The following RNF17 variants were observed in gnomAD, a reference collection of about 807,000 sequenced individuals.
RNF17 encodes ring finger protein 17.
Under a neutral mutation model 200.5 loss-of-function variants are expected in RNF17, and 31 were observed. The ratio of observed to expected loss-of-function variants is 0.15; its 90% confidence interval spans 0.12 to 0.21. RNF17 has a LOEUF of 0.21. RNF17 is among the 10% of genes least tolerant of loss of function. RNF17 has a pLI of 1.00. For synonymous variants in RNF17, 606 were observed against 637.8 expected, an observed-to-expected ratio of 0.95 and a Z score of 0.75; for missense variants, 1,628 against 1,905.1, an observed-to-expected ratio of 0.85 and a Z score of 2.71.
intron 18 of RNF17, among the ~76,000 whole-genome samples, chr13:24,841,569 A>G (rs1890642849): frequency 1.3e-5 from 2 of 152,244 alleles, no homozygotes; most frequent in Non-Finnish European, 2.9e-5. Context: ...TTATATCTGC[A>G]AAATGCTACT....
At chr13:24,883,595 CT>C (rs1230985482), downstream of RNF17, among the ~76,000 whole-genome samples, 1 of 152,064 alleles carries the variant, frequency 6.6e-6, no homozygotes, top group Non-Finnish European at 1.5e-5. Context: ...TCACAAAATG[CT>C]TAGTAACTTT....
chr13:24,776,361 G>T (rs1047472075), intron 3 of RNF17, among the ~76,000 whole-genome samples: 1 of 152,140 alleles, frequency 6.6e-6, no homozygotes, highest in African/African-American at 2.4e-5. Flanking sequence ...TACCACCGTA[G>T]CTTCTCTTTG....
At chr13:24,835,749 C>T (rs1030672102) in intron 18 of RNF17, among the ~76,000 whole-genome samples, 4 of 152,170 alleles carry the variant, frequency 2.6e-5, no homozygotes, top group East Asian at 1.9e-4. Flanking sequence ...CCTGGTAATA[C>T]GACAAAACAA....
chr13:24,825,807 T>C (rs2137967962), intron 16 of RNF17, 35 bp downstream of exon 16: 1 of 1,588,998 alleles, frequency 6.3e-7, no homozygotes, highest in East Asian at 2.2e-5. Context: ...CAGGGAGATG[T>C]CATACTTCAA....
the RNF17 span, among the ~76,000 whole-genome samples, chr13:24,749,041 A>G: frequency 1.4e-4 from 21 of 152,328 alleles, no homozygotes; most frequent in East Asian, 3.7e-3. Flanking sequence ...GGCGTGAGTC[A>G]CTGCGCCCAG....
At chr13:24,839,617 A>G (rs1042631979) in intron 18 of RNF17, among the ~76,000 whole-genome samples, 1 of 152,182 alleles carries the variant, frequency 6.6e-6, no homozygotes, top group Non-Finnish European at 1.5e-5. Flanking sequence ...GGCAAACAAA[A>G]ACATAAAGTG....
At chr13:24,836,199 T>C (rs1033956536) in intron 18 of RNF17, among the ~76,000 whole-genome samples, 4 of 152,144 alleles carry the variant, frequency 2.6e-5, no homozygotes, top group Admixed American at 2.0e-4. Flanking sequence ...GGAAAACATA[T>C]TTGGGGAAAT....
chr13:24,753,569 G>A, the RNF17 span, among the ~76,000 whole-genome samples: 2 of 152,240 alleles, frequency 1.3e-5, no homozygotes, highest in South Asian at 4.1e-4. Flanking sequence ...AGAGGAGATG[G>A]AGGCAATTCT....
chr13:24,878,032 A>C (rs1895040353), intron 34 of RNF17, among the ~76,000 whole-genome samples: 1 of 152,268 alleles, frequency 6.6e-6, no homozygotes, highest in South Asian at 2.1e-4. Context: ...AATGGCAGTC[A>C]GCTGAAAGTG....
intron 22 of RNF17, among the ~76,000 whole-genome samples, chr13:24,849,059 A>G (rs564629994): frequency 3.5e-4 from 54 of 152,288 alleles, no homozygotes; most frequent in Non-Finnish European, 7.3e-4. Flanking sequence ...GTGTGGTGGC[A>G]TACACCTTTA....
the RNF17 span, among the ~76,000 whole-genome samples, chr13:24,748,612 T>C: frequency 6.6e-6 from 1 of 152,230 alleles, no homozygotes; most frequent in Admixed American, 6.5e-5. Flanking sequence ...GCAGTGAGAC[T>C]GAAATGTCTA....
At chr13:24,885,345 T>G in the RNF17 span, 1 of 1,614,054 alleles carries the variant, frequency 6.2e-7, no homozygotes, top group Non-Finnish European at 8.5e-7. Flanking sequence ...ATTCAGGATC[T>G]GGGAAGTTCA....
intron 15 of RNF17, among the ~76,000 whole-genome samples, chr13:24,821,506 C>T (rs1289990031): frequency 6.6e-6 from 1 of 152,162 alleles, no homozygotes; most frequent in Non-Finnish European, 1.5e-5. Context: ...ACTTGAGCCC[C>T]TTAGGCTCTG....
intron 16 of RNF17, among the ~76,000 whole-genome samples, chr13:24,827,851 G>A (rs987005190): frequency 1.1e-4 from 17 of 152,010 alleles, no homozygotes; most frequent in African/African-American, 4.1e-4. Flanking sequence ...CTCCAGAGGG[G>A]AGAGACACTG....
chr13:24,880,468 T>C (rs1472467609), downstream of RNF17, among the ~76,000 whole-genome samples: 1 of 152,254 alleles, frequency 6.6e-6, no homozygotes, highest in African/African-American at 2.4e-5. Context: ...TTCATATAAA[T>C]GTCTTTATAG....
intron 2 of RNF17, among the ~76,000 whole-genome samples, chr13:24,767,842 A>G (rs1879960615): frequency 6.6e-6 from 1 of 152,114 alleles, no homozygotes; most frequent in African/African-American, 2.4e-5. Context: ...TATCCATTTT[A>G]TAATTGTGTA....
intron 18 of RNF17, among the ~76,000 whole-genome samples, chr13:24,837,872 C>G (rs1194666197): frequency 6.6e-6 from 1 of 151,922 alleles, no homozygotes; most frequent in Non-Finnish European, 1.5e-5. Flanking sequence ...ACAAAAAATA[C>G]AAAAGATAAA....
downstream of RNF17, chr13:24,883,883 G>C: frequency 6.4e-7 from 1 of 1,551,958 alleles, no homozygotes; most frequent in Non-Finnish European, 8.9e-7. Context: ...CATCAGAAAC[G>C]CAAGGCTGGG....
chr13:24,804,387 G>T lies in RNF17; in HGVS notation c.2049G>T (p.Thr683=), dbSNP rs754775069. Residue 683 remains threonine, a synonymous_variant, in exon 15 of 36, where the codon ACG becomes ACT. Coordinates refer to ENST00000255324, the MANE Select transcript of RNF17 (RefSeq NM_031277.3). The part of the protein sequence containing the change: ...LPKEMTDVSV[T]VCHINSPGDF... ...AAGAAATGACAGATGTTTCAGTAAC[G>T]GTTTGTCATATAAATAGTCCTGGAG... 6.2e-7 allele frequency: 1 copy of T among 1,611,908 alleles called. No individual in the cohort carries two copies. Among genetic ancestry groups the T allele is most frequent in the Non-Finnish European group, 8.5e-7 (1 of 1,178,252 alleles).
Sources: gnomAD v4.1 joint callset for allele counts (sites outside exome capture counted in the v4.1 genomes callset) on GRCh38, gnomAD v4.1.1 for gene constraint, MANE v1.5 for transcripts, NCBI Gene and HGNC (gene_info 2026-07-23, HGNC 2026-07-21) for gene names.